SPIDR: variants seen among roughly 807,000 people sequenced by gnomAD.
SPIDR encodes the protein scaffold protein involved in DNA repair.
Under a neutral mutation model 104.6 loss-of-function variants are expected in SPIDR, and 93 were observed. That is an observed-to-expected ratio of 0.89 (90% CI 0.75 to 1.06). The LOEUF is 1.06. Ranked by LOEUF, SPIDR falls within the 50% of genes least tolerant of loss-of-function variation. SPIDR has a pLI of 0.00. For synonymous variants in SPIDR, 431 were observed against 416.9 expected, an observed-to-expected ratio of 1.03 and a Z score of -0.41; for missense variants, 1,154 against 1,111.2, an observed-to-expected ratio of 1.04 and a Z score of -0.55.
chr8:47,622,489 G>A lies in SPIDR; in HGVS notation c.1544+23293G>A, dbSNP rs1278604172. On this transcript the variant is annotated intron_variant, in intron 10 of 19. Coordinates refer to ENST00000297423, the MANE Select transcript of SPIDR (RefSeq NM_001080394.4). ...TATACTCAGGCACTGCTGACCTGAC[G>A]CGGGTCTCCTTTGGTGCTCTGCCTC... Among the ~76,000 whole-genome samples, 42 of 152,094 alleles carry A rather than the reference G, an allele frequency of 2.8e-4. 1 individual carries two copies. Among genetic ancestry groups the A allele is most frequent in the Non-Finnish European group, 1.5e-5 (1 of 68,020 alleles).
At chr8:47,728,081 C>A (rs1026343373) in intron 17 of SPIDR, among the ~76,000 whole-genome samples, 16 of 151,608 alleles carry the variant, frequency 1.1e-4, no homozygotes, top group Admixed American at 6.6e-5. Flanking sequence ...CACACCACTG[C>A]ACTCCAGCCT....
chr8:47,484,693 A>G (rs2077302612), intron 8 of SPIDR, among the ~76,000 whole-genome samples: 1 of 152,232 alleles, frequency 6.6e-6, no homozygotes, highest in Admixed American at 6.5e-5. Context: ...GTGATCCTGG[A>G]TTAGAAAAGA....
intron 8 of SPIDR, among the ~76,000 whole-genome samples, chr8:47,448,878 G>T (rs2071181814): frequency 6.6e-6 from 1 of 152,098 alleles, no homozygotes; most frequent in Non-Finnish European, 1.5e-5. Context: ...CGTATGCAGG[G>T]GTATATGTAG....
intron 7 of SPIDR, chr8:47,419,228 G>C (rs1554677899): frequency 2.0e-5 from 3 of 152,196 alleles, no homozygotes; most frequent in Non-Finnish European, 4.4e-5. Context: ...GTAGAATTCG[G>C]CTGTGAATCC....
chr8:47,608,040 T>G (rs1469009523), intron 10 of SPIDR, among the ~76,000 whole-genome samples: 3 of 152,224 alleles, frequency 2.0e-5, no homozygotes, highest in Non-Finnish European at 4.4e-5. Context: ...TGTGCAATCA[T>G]AACTATAATA....
At position 47,279,959 on chromosome 8, in the gene SPIDR, C is replaced by T. The variant is rs1033661643; in HGVS notation, c.131C>T (p.Ser44Phe). ...CTCAGGACAGCAGGGGCAGCTGCCTCTCTCTCTGAAGCATGGCTCAGGTGT... is the reference window on the plus strand; with the variant it reads ...CTCAGGACAGCAGGGGCAGCTGCCTTTCTCTCTGAAGCATGGCTCAGGTGT... ...AGLRTAGAAA[S>F]LSEAWLRCGE... The change falls in exon 2 of 20, where the codon TCT becomes TTT. Residue 44 changes from serine (S) to phenylalanine (F), a missense_variant. Coordinates refer to ENST00000297423, the MANE Select transcript of SPIDR (RefSeq NM_001080394.4). 2.2e-5 allele frequency: 35 copies of T among 1,614,168 alleles called. No individual in the cohort carries two copies. The highest frequency in any genetic ancestry group is 1.3e-4 in the Admixed American group (8 of 60,030).
rs561060427 is a variant in SPIDR at position 47,678,259 on chromosome 8, C to G, written c.1685+4318C>G. Among the ~76,000 whole-genome samples the G allele has an allele frequency of 7.9e-5, 12 of 152,006 alleles. No homozygotes were observed. The East Asian group carries it at 2.1e-3, about 27-fold the overall frequency. On this transcript the variant is annotated intron_variant, in intron 11 of 19. Transcript: ENST00000297423. ...GCATTGGTTCCAGAGAAATGAGGGTCGATATGAGTTTTTGAGTGAAGAAGA... is the reference window on the plus strand; with the variant it reads ...GCATTGGTTCCAGAGAAATGAGGGTGGATATGAGTTTTTGAGTGAAGAAGA...
intron 5 of SPIDR, among the ~76,000 whole-genome samples, chr8:47,395,288 G>A (rs1387706866): frequency 6.6e-6 from 1 of 152,132 alleles, no homozygotes; most frequent in East Asian, 1.9e-4. Flanking sequence ...AGCAGAAGTA[G>A]CAATGAGCCG....
intron 5 of SPIDR, among the ~76,000 whole-genome samples, chr8:47,311,728 T>G (rs2044201829): frequency 1.3e-5 from 2 of 152,026 alleles, no homozygotes; most frequent in Non-Finnish European, 2.9e-5. Flanking sequence ...TTTTTTATAT[T>G]ATTATTATAC....
At chr8:47,635,745 A>G (rs1003748091) in intron 10 of SPIDR, among the ~76,000 whole-genome samples, 6 of 152,184 alleles carry the variant, frequency 3.9e-5, no homozygotes, top group Non-Finnish European at 8.8e-5. Context: ...AAATTAAAAA[A>G]GAACAGATTA....
At chr8:47,688,836 G>A (rs1392830414) in intron 11 of SPIDR, among the ~76,000 whole-genome samples, 1 of 152,078 alleles carries the variant, frequency 6.6e-6, no homozygotes, top group Non-Finnish European at 1.5e-5. Flanking sequence ...CCATTATTTG[G>A]TACACTTAGG....
intron 11 of SPIDR, among the ~76,000 whole-genome samples, chr8:47,685,505 A>ATTTTTTTT (rs201735323): frequency 0.028 from 2,880 of 103,694 alleles, 130 homozygotes; most frequent in East Asian, 0.052. Context: ...TTATTTATTT[A>ATTTTTTTT]TTTATTTATT....
intron 1 of SPIDR, among the ~76,000 whole-genome samples, chr8:47,265,291 G>T (rs1346737242): frequency 6.7e-6 from 1 of 149,668 alleles, no homozygotes; most frequent in Non-Finnish European, 1.5e-5. Context: ...CTGGGCTCAA[G>T]TGATCCTCCC....
Position 47,407,911 on chromosome 8 carries a change from C to G in SPIDR, c.827C>G (p.Ala276Gly). Reference sequence around the variant, plus strand: ...GGACTGCAGAATCGAGAGAGATCTGCTATTTCTTTGTGGAGACATCAATGT... The same window carrying G: ...GGACTGCAGAATCGAGAGAGATCTGGTATTTCTTTGTGGAGACATCAATGT... ...LNGLQNRERS[A>G]ISLWRHQCIS... Residue 276 changes from alanine to glycine, a missense_variant, in exon 7 of 20, where the codon GCT becomes GGT. By Grantham distance (60) the Ala-to-Gly change is moderately conservative. Coordinates refer to ENST00000297423, the MANE Select transcript of SPIDR (RefSeq NM_001080394.4). 6.2e-7 allele frequency: 1 copy of G among 1,606,134 alleles called. No homozygotes were observed. The highest frequency in any genetic ancestry group is 1.7e-5 in the Admixed American group (1 of 59,636).
At chr8:47,528,120 T>C (rs1485812650) in intron 8 of SPIDR, 1 of 152,190 alleles carries the variant, frequency 6.6e-6, no homozygotes, top group Non-Finnish European at 1.5e-5. Flanking sequence ...ATAATTGTAA[T>C]TTTTTAAAAT....
At chr8:47,563,787 A>C (rs1046357710) in intron 8 of SPIDR, among the ~76,000 whole-genome samples, 3 of 152,192 alleles carry the variant, frequency 2.0e-5, no homozygotes, top group African/African-American at 7.2e-5. Flanking sequence ...AGAAGTTTTT[A>C]AGTCAGGTAT....
intron 5 of SPIDR, among the ~76,000 whole-genome samples, chr8:47,371,789 T>G (rs188790238): frequency 6.6e-6 from 1 of 152,278 alleles, no homozygotes; most frequent in Non-Finnish European, 1.5e-5. Context: ...CTTCAAAAAA[T>G]TAATAGGAAG....
At chr8:47,418,754 T>C (rs1043971116) in intron 7 of SPIDR, among the ~76,000 whole-genome samples, 62 of 152,306 alleles carry the variant, frequency 4.1e-4, no homozygotes, top group African/African-American at 1.4e-3. Context: ...TGGCTGTGGG[T>C]TTGTCATAGA....
chr8:47,393,892 T>G (rs7846620), intron 5 of SPIDR, among the ~76,000 whole-genome samples: 3 of 149,892 alleles, frequency 2.0e-5, no homozygotes, highest in African/African-American at 5.0e-5. Context: ...TTGTCCTGTC[T>G]TTCGTCCTCC....
Sources: allele counts gnomAD v4.1 joint callset (sites outside exome capture counted in the v4.1 genomes callset), GRCh38; gene constraint gnomAD v4.1.1; transcripts MANE v1.5; gene names NCBI Gene and HGNC (gene_info 2026-07-23, HGNC 2026-07-21).